Variants in ZNF423 observed in about 807,000 individuals in gnomAD.
ZNF423 encodes the protein zinc finger protein 423, also known as Ebf-associated zinc finger protein.
ZNF423 carries 12 observed loss-of-function variants against 95.8 expected under a neutral mutation model. The ratio of observed to expected loss-of-function variants is 0.13; its 90% CI spans 0.08 to 0.20. The LOEUF is 0.20. Ranked by LOEUF, ZNF423 falls within the 10% of genes least tolerant of loss-of-function variation. The pLI is 1.00. For missense variants in ZNF423, 1,316 were observed against 1,737.1 expected, an observed-to-expected ratio of 0.76 and a Z score of 4.31; for synonymous variants, 749 against 711.9, an observed-to-expected ratio of 1.05 and a Z score of -0.83.
chr16:49,573,944 T>A (rs1597122173), intron 5 of ZNF423, among the ~76,000 whole-genome samples: 1 of 152,248 alleles, frequency 6.6e-6, no homozygotes, highest in South Asian at 2.1e-4. Flanking sequence ...CTGCTGATCA[T>A]CCCCACGCCT....
intron 2 of ZNF423, among the ~76,000 whole-genome samples, chr16:49,785,121 G>C (rs1296186981): frequency 6.6e-6 from 1 of 152,058 alleles, no homozygotes; most frequent in Non-Finnish European, 1.5e-5. Context: ...CTGTCACCCA[G>C]GCTGGAGTGC....
At chr16:49,795,997 G>C (rs75506573) in intron 1 of ZNF423, among the ~76,000 whole-genome samples, 14,796 of 152,158 alleles carry the variant, frequency 0.097, 920 homozygotes, top group East Asian at 0.22. Flanking sequence ...TCTAAGACCA[G>C]CTCTCACTAT....
At chr16:49,590,424 G>C (rs1282903090) in intron 5 of ZNF423, among the ~76,000 whole-genome samples, 3 of 152,096 alleles carry the variant, frequency 2.0e-5, no homozygotes, top group Middle Eastern at 3.2e-3. Context: ...GCTGCTTCGG[G>C]GGGCAAGGGT....
At chr16:49,759,084 T>TA (rs1390138282) in intron 2 of ZNF423, among the ~76,000 whole-genome samples, 2 of 152,078 alleles carry the variant, frequency 1.3e-5, no homozygotes, top group African/African-American at 2.4e-5. Flanking sequence ...ACCATATTTT[T>TA]AAAAAAATAA....
chr16:49,735,991 C>T (rs192355630), intron 2 of ZNF423, among the ~76,000 whole-genome samples: 1 of 152,242 alleles, frequency 6.6e-6, no homozygotes, highest in East Asian at 1.9e-4. Context: ...CCGACCTTCT[C>T]GCCCCACACC....
intron 3 of ZNF423, among the ~76,000 whole-genome samples, chr16:49,690,787 G>A (rs550325694): frequency 2.0e-5 from 3 of 152,254 alleles, no homozygotes; most frequent in East Asian, 1.9e-4. Context: ...ACCCCCGAGC[G>A]CTCCCAACAG....
At chr16:49,506,731 G>T (rs1361482543) in intron 7 of ZNF423, among the ~76,000 whole-genome samples, 7 of 152,118 alleles carry the variant, frequency 4.6e-5, no homozygotes, top group Non-Finnish European at 8.8e-5. Context: ...GGATGGATAG[G>T]TGGAGAGATG....
At chr16:49,629,981 G>A (rs545326731) in intron 4 of ZNF423, among the ~76,000 whole-genome samples, 31 of 152,324 alleles carry the variant, frequency 2.0e-4, no homozygotes, top group Middle Eastern at 3.4e-3. Context: ...AGCTGGATGC[G>A]TCAGGCTCCA....
chr16:49,716,480 G>A (rs1353516674), intron 3 of ZNF423, among the ~76,000 whole-genome samples: 2 of 152,210 alleles, frequency 1.3e-5, no homozygotes, highest in African/African-American at 2.4e-5. Context: ...TACCCATGAC[G>A]TCATTTCCAA....
chr16:49,663,626 G>A (rs565893140), intron 3 of ZNF423, among the ~76,000 whole-genome samples: 155 of 152,330 alleles, frequency 1.0e-3, no homozygotes, highest in African/African-American at 3.6e-3. Context: ...GGCTTCAGGA[G>A]GGCACGGGAG....
intron 5 of ZNF423, among the ~76,000 whole-genome samples, chr16:49,623,931 G>C (rs1972169341): frequency 6.6e-6 from 1 of 152,164 alleles, no homozygotes. Flanking sequence ...ACTAAAGAAG[G>C]GCCTTTGCAA....
In ZNF423 at chr16:49,492,761, A is replaced by G. The variant is rs1351431671; in HGVS notation, c.3850-1457T>C. Among the ~76,000 whole-genome samples, 5 of 152,140 alleles carry G rather than the reference A, an allele frequency of 3.3e-5. No individual in the cohort carries two copies. Among genetic ancestry groups the G allele is most frequent in the Non-Finnish European group, 7.4e-5 (5 of 68,014 alleles). On this transcript the variant is annotated intron_variant, in intron 7 of 7. Coordinates refer to ENST00000563137, the MANE Select transcript of ZNF423 (RefSeq NM_001379286.1). The surrounding 1 kb of genome is among the most constrained non-coding windows in gnomAD (Gnocchi z 4.2). ...GTGCCGTGGCAGGCACCGCTCTTTCAATCCTCACAACAGCCTTGCGAGGTG... is the reference window on the plus strand; with the variant it reads ...GTGCCGTGGCAGGCACCGCTCTTTCGATCCTCACAACAGCCTTGCGAGGTG...
At chr16:49,530,192 A>T (rs1968788025) in intron 5 of ZNF423, among the ~76,000 whole-genome samples, 1 of 152,088 alleles carries the variant, frequency 6.6e-6, no homozygotes, top group African/African-American at 2.4e-5. Flanking sequence ...TATGGCAGCC[A>T]AGCAGTCTTA....
At chr16:49,512,354 C>T (rs1294393343) in intron 7 of ZNF423, among the ~76,000 whole-genome samples, 1 of 152,218 alleles carries the variant, frequency 6.6e-6, no homozygotes, top group African/African-American at 2.4e-5. Flanking sequence ...TGACCCAGAC[C>T]CAATGCTGGG....
chr16:49,647,691 T>A (rs1019012116), intron 3 of ZNF423, among the ~76,000 whole-genome samples: 3 of 152,238 alleles, frequency 2.0e-5, no homozygotes, highest in African/African-American at 7.2e-5. Context: ...AAATGGATTT[T>A]TCCCTAAGAG....
In ZNF423 at chr16:49,708,852, G is replaced by T. The variant is rs994506551; in HGVS notation, c.301+21919C>A. On this transcript the variant is annotated intron_variant, in intron 3 of 7. Coordinates refer to ENST00000563137, the MANE Select transcript of ZNF423 (RefSeq NM_001379286.1). ...CTGCCTCCTCCTGCTTCAGCACAGG[G>T]CATGGGACCTAGTAGGTGCTCAGTA... 4.6e-5 allele frequency among the ~76,000 whole-genome samples: 7 copies of T among 152,262 alleles called. No homozygotes were observed. The East Asian group carries it at 1.4e-3, about 29-fold the overall frequency.
intron 3 of ZNF423, among the ~76,000 whole-genome samples, chr16:49,722,953 ATTTTTT>A: frequency 7.6e-6 from 1 of 130,888 alleles, no homozygotes; most frequent in Admixed American, 7.7e-5. Flanking sequence ...CGGGGTTCTA[ATTTTTT>A]TTTTTTTTTT....
upstream of ZNF423, among the ~76,000 whole-genome samples, chr16:49,856,403 G>T (rs936733819): frequency 1.1e-4 from 15 of 142,248 alleles, no homozygotes; most frequent in African/African-American, 4.0e-4. Flanking sequence ...GCGGTCGGGA[G>T]CGCGGAAGCT....
intron 1 of ZNF423, among the ~76,000 whole-genome samples, chr16:49,838,081 A>T (rs1205164152): frequency 2.0e-5 from 3 of 152,254 alleles, no homozygotes; most frequent in African/African-American, 7.2e-5. Context: ...GTCAAGAAGG[A>T]TCCATCCAGA....
Sources: allele counts gnomAD v4.1 joint callset (sites outside exome capture counted in the v4.1 genomes callset), GRCh38; gene constraint gnomAD v4.1.1; non-coding constraint Gnocchi (gnomAD v3.1); transcripts MANE v1.5; gene names NCBI Gene and HGNC (gene_info 2026-07-23, HGNC 2026-07-21).